KIF9: variants seen among roughly 807,000 people sequenced by gnomAD.
The protein encoded by KIF9 is kinesin-like protein KIF9.
Under a neutral mutation model 94.8 loss-of-function variants are expected in KIF9, and 68 were observed. The ratio of observed to expected loss-of-function variants is 0.72; its 90% confidence interval spans 0.59 to 0.88. The LOEUF (loss-of-function observed/expected upper bound fraction) is 0.88. Among genes scored for constraint, KIF9 ranks in the 40% least tolerant of loss-of-function variants. The pLI is 0.00. For synonymous variants in KIF9, 343 were observed against 362.1 expected (o/e 0.95, Z 0.60); for missense variants, 882 against 982.5 (o/e 0.90, Z 1.37).
chr3:47,263,042 G>C (rs999760301), intron 9 of KIF9, among the ~76,000 whole-genome samples: 1 of 152,140 alleles, frequency 6.6e-6, no homozygotes, highest in Non-Finnish European at 1.5e-5. Flanking sequence ...GGGACCACAG[G>C]CATGCACCAC....
chr3:47,244,856 G>A lies in KIF9; in HGVS notation c.1449C>T (p.Val483=), dbSNP rs769447671. 1.5e-5 allele frequency: 24 copies of A among 1,614,012 alleles called. No individual in the cohort carries two copies. The highest frequency in any genetic ancestry group is 1.1e-4 in the South Asian group (10 of 91,070). ...EPEGQNFGLG[V]APFSTKPGKK... is the part of the protein sequence containing the mutation. ...TCCCAGGTTTGGTAGAGAAAGGGGC[G>A]ACTCCGAGTCCAAAGTTTTGTCCTT... The change falls in exon 15 of 21, where the codon GTC becomes GTT. Residue 483 remains valine (V), a synonymous_variant. Coordinates refer to ENST00000684063, the MANE Select transcript of KIF9 (RefSeq NM_182902.4).
chr3:47,268,799 G>A (rs773586552), intron 5 of KIF9, among the ~76,000 whole-genome samples: 47 of 151,940 alleles, frequency 3.1e-4, no homozygotes, highest in Non-Finnish European at 4.4e-4. Flanking sequence ...TGCTCAGACT[G>A]GTCTTAAACT....
chr3:47,275,228 T>G (rs2107510131), intron 3 of KIF9, 97 bp downstream of exon 3: 1 of 921,416 alleles, frequency 1.1e-6, no homozygotes. Flanking sequence ...AACATACAAA[T>G]GATAGTGAGT....
chr3:47,252,581 A>T lies in KIF9; in HGVS notation c.1060-4495T>A, dbSNP rs531844766. ...CACTGCACTCCAGCTTGGGTGACAA[A>T]GCAAGACCCTGTCTAAAAAACAATA... On this transcript the variant is annotated intron_variant, in intron 10 of 20. Transcript: ENST00000684063. Among the ~76,000 whole-genome samples, 37 of 151,992 alleles carry T rather than the reference A, an allele frequency of 2.4e-4. 1 individual carries two copies. The highest frequency in any genetic ancestry group is 7.2e-4 in the African/African-American group (30 of 41,470).
At chr3:47,270,372 G>T (rs989456726) in intron 5 of KIF9, among the ~76,000 whole-genome samples, 1 of 151,598 alleles carries the variant, frequency 6.6e-6, no homozygotes, top group Non-Finnish European at 1.5e-5. Context: ...TCCTGCCTCA[G>T]CCTCCCTAGT....
At chr3:47,242,650 G>C (rs1038566904) in intron 16 of KIF9, among the ~76,000 whole-genome samples, 1 of 152,076 alleles carries the variant, frequency 6.6e-6, no homozygotes, top group Admixed American at 6.6e-5. Context: ...CATAAATCTT[G>C]TTTCACATCT....
intron 17 of KIF9, chr3:47,238,683 C>T (rs538960024): frequency 2.0e-4 from 30 of 151,816 alleles, no homozygotes; most frequent in African/African-American, 6.5e-4. Flanking sequence ...TTTTTTGAGA[C>T]GGAGTCTCGT....
intron 5 of KIF9, among the ~76,000 whole-genome samples, chr3:47,268,895 A>C (rs774303780): frequency 1.3e-5 from 2 of 151,542 alleles, no homozygotes; most frequent in Non-Finnish European, 2.9e-5. Flanking sequence ...ATTCACCTTT[A>C]CTCTTCAGTC....
Position 47,275,428 on chromosome 3 carries a change from G to A in KIF9, c.156C>T (p.Asp52=). The A allele has an allele frequency of 6.2e-7, 1 of 1,613,146 alleles. No homozygotes were observed. Among genetic ancestry groups the A allele is most frequent in the South Asian group, 1.1e-5 (1 of 91,040 alleles). The part of the protein sequence containing the change: ...RRGVVNNQQT[D]WSFKLDGVLH... Reference sequence around the variant, plus strand: ...GAACTCCATCCAACTTAAACGACCAGTCTGTCTGTTGGTTATTGACAACTC... The same window carrying A: ...GAACTCCATCCAACTTAAACGACCAATCTGTCTGTTGGTTATTGACAACTC... Residue 52 remains aspartate, a synonymous_variant, in exon 3 of 21, where the codon GAC becomes GAT. Coordinates refer to ENST00000684063, the MANE Select transcript of KIF9 (RefSeq NM_182902.4).
At position 47,261,624 on chromosome 3, in the gene KIF9, C is replaced by T. The variant is rs966514480; in HGVS notation, c.981+2662G>A. On this transcript the variant is annotated intron_variant, in intron 9 of 20. Transcript: ENST00000684063. ...TGGGCCAGAGGAAAGACTGAAAGGG[C>T]TCTTCCTTGGGCAGTCTACTCTGGT... is the stretch of plus-strand genomic sequence containing the variant. Among the ~76,000 whole-genome samples the T allele has an allele frequency of 2.6e-5, 4 of 152,302 alleles. No homozygotes were observed. In the East Asian group the frequency reaches 7.7e-4, roughly 29 times the overall value.
chr3:47,244,869 A>C lies in KIF9; in HGVS notation c.1436T>G (p.Phe479Cys). The C allele has an allele frequency of 6.2e-7, 1 of 1,614,152 alleles. No individual in the cohort carries two copies. Among genetic ancestry groups the C allele is most frequent in the Non-Finnish European group, 8.5e-7 (1 of 1,180,028 alleles). ...AGAGAAAGGGGCGACTCCGAGTCCAAAGTTTTGTCCTTCAGGCTCACCCAC... is the reference window on the plus strand; with the variant it reads ...AGAGAAAGGGGCGACTCCGAGTCCACAGTTTTGTCCTTCAGGCTCACCCAC... ...HLVGEPEGQN[F>C]GLGVAPFSTK... The change falls in exon 15 of 21, where the codon TTT becomes TGT. Residue 479 changes from phenylalanine to cysteine, a missense_variant. Transcript: ENST00000684063.
chr3:47,252,398 A>T (rs1044963337), intron 10 of KIF9, among the ~76,000 whole-genome samples: 1 of 151,142 alleles, frequency 6.6e-6, no homozygotes, highest in Non-Finnish European at 1.5e-5. Context: ...GCTCAAGACC[A>T]CCCTGGGCAA....
At chr3:47,258,397 C>T (rs1487870061) in intron 9 of KIF9, among the ~76,000 whole-genome samples, 1 of 152,206 alleles carries the variant, frequency 6.6e-6, no homozygotes, top group Non-Finnish European at 1.5e-5. Context: ...AGGTGTGAGC[C>T]ACTGAACCTG....
intron 9 of KIF9, among the ~76,000 whole-genome samples, chr3:47,257,816 T>C (rs1049042533): frequency 3.3e-5 from 5 of 152,196 alleles, no homozygotes; most frequent in African/African-American, 1.2e-4. Flanking sequence ...GGATGCGCAC[T>C]GGTCTATTCA....
At chr3:47,249,259 C>T (rs1334064490) in intron 10 of KIF9, among the ~76,000 whole-genome samples, 4 of 151,626 alleles carry the variant, frequency 2.6e-5, no homozygotes, top group African/African-American at 4.8e-5. Flanking sequence ...AATTCTCCTG[C>T]CTCAGCCTCC....
At position 47,243,055 on chromosome 3, in the gene KIF9, T is replaced by C; in HGVS notation, c.1705A>G (p.Ile569Val). The C allele has an allele frequency of 1.9e-6, 3 of 1,602,012 alleles. No individual in the cohort carries two copies. Among genetic ancestry groups the C allele is most frequent in the South Asian group, 1.1e-5 (1 of 90,564 alleles). The part of the protein sequence containing the change: ...SDSPKEELRP[I>V]RPDTPPSKPV... ...AAGCTAACATTAGCTGATTACCTAA[T>C]TGGGCGTAATTCCTCCTTCGGGGAG... Residue 569 changes from isoleucine (I) to valine (V), a missense_variant, in exon 16 of 21, where the codon ATT (isoleucine) becomes GTT (valine). Transcript: ENST00000684063.
intron 9 of KIF9, 78 bp from the exon 10 acceptor site, chr3:47,257,638 T>C: frequency 4.7e-6 from 6 of 1,264,190 alleles, no homozygotes; most frequent in Non-Finnish European, 6.8e-6. Context: ...CTCAGAGACC[T>C]TGCCTGCCCT....
At chr3:47,230,739 A>T (rs1698506433) in intron 20 of KIF9, among the ~76,000 whole-genome samples, 2 of 149,250 alleles carry the variant, frequency 1.3e-5, no homozygotes, top group Admixed American at 6.7e-5. Context: ...TTGTGGGGGA[A>T]AAAAAAAGAA....
At chr3:47,238,749 C>A (rs1434588237) in intron 17 of KIF9, among the ~76,000 whole-genome samples, 1 of 152,018 alleles carries the variant, frequency 6.6e-6, no homozygotes, top group African/African-American at 2.4e-5. Context: ...CAAGCTCTGC[C>A]TCCCGGGTTT....
Sources: allele counts gnomAD v4.1 joint callset (sites outside exome capture counted in the v4.1 genomes callset), GRCh38; gene constraint gnomAD v4.1.1; transcripts MANE v1.5; gene names NCBI Gene and HGNC (gene_info 2026-07-23, HGNC 2026-07-21).